Variants in CDK13 observed in about 807,000 individuals in gnomAD.
CDK13 encodes cyclin dependent kinase 13, also known as cyclin-dependent kinase 13.
In CDK13, 40 loss-of-function variants were observed where a neutral mutation model predicts 137.6. The observed-to-expected ratio is 0.29, with a 90% CI of 0.23 to 0.38. The LOEUF (loss-of-function observed/expected upper bound fraction) is 0.38. Among genes scored for constraint, CDK13 ranks in the 10% least tolerant of loss-of-function variants. The probability of loss-of-function intolerance (pLI) is 1.00; values close to 1 mark genes in which losing one functional copy is unlikely to be tolerated. For synonymous variants in CDK13, 869 were observed against 760.1 expected, an observed-to-expected ratio of 1.14 and a Z score of -2.36; for missense variants, 1,704 against 1,951.8, an observed-to-expected ratio of 0.87 and a Z score of 2.39.
chr7:39,966,962 T>C (rs1340931334), intron 1 of CDK13, among the ~76,000 whole-genome samples: 1 of 152,158 alleles, frequency 6.6e-6, no homozygotes, highest in African/African-American at 2.4e-5. Flanking sequence ...TGCCTGATCG[T>C]TCCTCTGTAA....
chr7:39,979,891 A>T (rs1277084806), intron 1 of CDK13, among the ~76,000 whole-genome samples: 1 of 152,130 alleles, frequency 6.6e-6, no homozygotes, highest in East Asian at 1.9e-4. Flanking sequence ...GTAGAGGCCC[A>T]GGTGATGTAA....
chr7:39,972,574 T>C (rs1226589334), intron 1 of CDK13, among the ~76,000 whole-genome samples: 1 of 152,256 alleles, frequency 6.6e-6, no homozygotes, highest in Non-Finnish European at 1.5e-5. Flanking sequence ...AATCATATAA[T>C]GTATGATCTT....
chr7:40,025,707 G>A (rs948972887), intron 5 of CDK13, among the ~76,000 whole-genome samples: 3 of 152,182 alleles, frequency 2.0e-5, no homozygotes, highest in African/African-American at 7.2e-5. Flanking sequence ...TTTTGGTCAT[G>A]TGTGAAATTT....
intron 2 of CDK13, among the ~76,000 whole-genome samples, chr7:39,995,055 A>C (rs1004771724): frequency 6.6e-6 from 1 of 151,856 alleles, no homozygotes; most frequent in Non-Finnish European, 1.5e-5. Context: ...TTATTTCTTC[A>C]GTCAAATGTT....
In CDK13 at chr7:40,094,196, C is replaced by T; in HGVS notation, c.3755C>T (p.Pro1252Leu). Residue 1252 changes from proline (P) to leucine (L), a missense_variant, in exon 14 of 14, where the codon CCT (proline) becomes CTT (leucine). By Grantham distance (98) the Pro-to-Leu change is moderately conservative (BLOSUM62 -3). Transcript: ENST00000181839. ...GAGCTAACGCCAGAACCAGACCGGC[C>T]TCGAATTCTGCCTCCTGACCAACGA... ...ILELTPEPDR[P>L]RILPPDQRPP... is the part of the protein sequence containing the mutation. 6.2e-7 allele frequency: 1 copy of T among 1,613,980 alleles called. No individual in the cohort carries two copies.
intron 5 of CDK13, among the ~76,000 whole-genome samples, chr7:40,045,200 T>A (rs945039623): frequency 3.3e-5 from 5 of 152,226 alleles, no homozygotes; most frequent in Non-Finnish European, 5.9e-5. Context: ...CTTTTAGGAT[T>A]TCTAAATCTC....
intron 5 of CDK13, among the ~76,000 whole-genome samples, chr7:40,038,915 G>A (rs940935206): frequency 2.6e-5 from 4 of 152,114 alleles, no homozygotes; most frequent in South Asian, 2.1e-4. Context: ...GTCTGGTCTC[G>A]ATCGCCCGAC....
intron 5 of CDK13, among the ~76,000 whole-genome samples, chr7:40,036,324 T>A (rs979277904): frequency 6.6e-6 from 1 of 152,188 alleles, no homozygotes; most frequent in African/African-American, 2.4e-5. Flanking sequence ...AGACTCATTA[T>A]TACTAAAATA....
intron 1 of CDK13, among the ~76,000 whole-genome samples, chr7:39,979,216 C>CTTTTTTTTTTTTT (rs71560152): frequency 6.9e-5 from 9 of 130,860 alleles, no homozygotes; most frequent in Non-Finnish European, 9.6e-5. Context: ...TCTTTTTTTT[C>CTTTTTTTTTTTTT]TTTTTTTTTT....
At chr7:40,067,351 G>A (rs1194168200) in intron 9 of CDK13, 1 of 151,680 alleles carries the variant, frequency 6.6e-6, no homozygotes, top group Non-Finnish European at 1.5e-5. Flanking sequence ...TTCAAGACCA[G>A]ACTAGGCAAC....
At chr7:39,986,404 C>T (rs1157408814) in intron 1 of CDK13, 1 of 151,994 alleles carries the variant, frequency 6.6e-6, no homozygotes, top group Admixed American at 6.6e-5. Context: ...AGTGAATGGC[C>T]TCATTATTAT....
rs769778454 is a variant in CDK13, at chr7:40,094,851, G to A, written c.4410G>A (p.Pro1470=). 7 of 1,552,056 alleles carry A rather than the reference G, an allele frequency of 4.5e-6. No homozygotes were observed. Among genetic ancestry groups the A allele is most frequent in the Admixed American group, 1.9e-5 (1 of 51,566 alleles). ...YNYGGNLQEN[P]SGPSLMHGQT... Reference sequence around the variant, plus strand: ...ATGGTGGTAACTTACAGGAAAATCCGAGTGGCCCCAGCCTCATGCATGGAC... The same window carrying A: ...ATGGTGGTAACTTACAGGAAAATCCAAGTGGCCCCAGCCTCATGCATGGAC... Residue 1470 remains proline, a synonymous_variant, in exon 14 of 14, where the codon CCG becomes CCA. Transcript: ENST00000181839.
chr7:39,996,738 G>A (rs1295183366), intron 2 of CDK13, among the ~76,000 whole-genome samples: 1 of 151,788 alleles, frequency 6.6e-6, no homozygotes, highest in African/African-American at 2.4e-5. Flanking sequence ...CAAGGCGGGT[G>A]GATCACTTGA....
intron 1 of CDK13, among the ~76,000 whole-genome samples, chr7:39,980,878 A>G (rs180885676): frequency 9.8e-5 from 15 of 152,336 alleles, no homozygotes; most frequent in East Asian, 7.7e-4. Context: ...AACAACGAGC[A>G]CTAACCAGTT....
chr7:40,001,165 G>A (rs970909162), intron 4 of CDK13, among the ~76,000 whole-genome samples: 9 of 149,224 alleles, frequency 6.0e-5, no homozygotes, highest in African/African-American at 1.2e-4. Context: ...TCTTTCCCTC[G>A]TTTACTTAAA....
chr7:40,037,521 C>T (rs1785510926), intron 5 of CDK13, among the ~76,000 whole-genome samples: 1 of 152,208 alleles, frequency 6.6e-6, no homozygotes, highest in African/African-American at 2.4e-5. Flanking sequence ...GCTGCATTGT[C>T]TTTATGACCT....
At chr7:40,018,496 T>C (rs1352070803) in intron 5 of CDK13, among the ~76,000 whole-genome samples, 7 of 152,064 alleles carry the variant, frequency 4.6e-5, no homozygotes, top group Admixed American at 2.6e-4. Flanking sequence ...TGCAAAGATA[T>C]GGAACCAACC....
rs1344517112 is a variant in CDK13, at chr7:39,988,198, C to T, written c.1811C>T (p.Thr604Ile). 4.3e-6 allele frequency: 7 copies of T among 1,613,946 alleles called. No homozygotes were observed. The South Asian group carries it at 4.4e-5, about 10-fold the overall frequency. Residue 604 changes from threonine to isoleucine, a missense_variant, in exon 2 of 14, where the codon ACC (threonine) becomes ATC (isoleucine). By Grantham distance (89) the Thr-to-Ile change is moderately conservative. This residue lies in a region of CDK13 where 1,051 missense variants were observed against 931.0 expected (regional missense o/e 1.13). Coordinates refer to ENST00000181839, the MANE Select transcript of CDK13 (RefSeq NM_003718.5). The part of the protein sequence containing the change: ...KEKEQHVALV[T>I]STLPPLPLPP... ...AAGGAGCAACATGTAGCTTTAGTCA[C>T]CTCTACATTACCACCGTTACCTTTG...
chr7:40,038,824 T>A (rs1785541275), intron 5 of CDK13, among the ~76,000 whole-genome samples: 1 of 152,088 alleles, frequency 6.6e-6, no homozygotes, highest in Admixed American at 6.6e-5. Context: ...GCCTCCCAAG[T>A]AGTTGGGATT....
Sources: gnomAD v4.1 joint callset for allele counts (sites outside exome capture counted in the v4.1 genomes callset) on GRCh38, gnomAD v4.1.1 for gene constraint, gnomAD v4.1.1 regional missense constraint, MANE v1.5 for transcripts, NCBI Gene and HGNC (gene_info 2026-07-23, HGNC 2026-07-21) for gene names.